The following INTU variants were observed in gnomAD, a reference collection of about 807,000 sequenced individuals.
INTU encodes inturned planar cell polarity protein, also known as protein inturned.
INTU carries 68 observed loss-of-function variants against 100.5 expected under a neutral mutation model. That is an observed-to-expected ratio of 0.68 (90% CI 0.56 to 0.83). The LOEUF is 0.83. Ranked by LOEUF, INTU falls within the 40% of genes least tolerant of loss-of-function variation. INTU has a pLI of 0.00. For missense variants in INTU, 1,071 were observed against 1,114.7 expected, an observed-to-expected ratio of 0.96 and a Z score of 0.56; for synonymous variants, 357 against 395.7, an observed-to-expected ratio of 0.90 and a Z score of 1.16.
intron 6 of INTU, among the ~76,000 whole-genome samples, chr4:127,683,154 G>T (rs1273526978): frequency 6.6e-6 from 1 of 152,152 alleles, no homozygotes; most frequent in East Asian, 1.9e-4. Flanking sequence ...TTATTAAACA[G>T]GGTGGGGGAA....
At chr4:127,646,529 A>G (rs1727596774) in intron 2 of INTU, among the ~76,000 whole-genome samples, 1 of 152,156 alleles carries the variant, frequency 6.6e-6, no homozygotes, top group Admixed American at 6.5e-5. Flanking sequence ...CATTGCCTAA[A>G]TCCATTAATT....
chr4:127,656,165 G>T (rs1192311904), intron 2 of INTU, among the ~76,000 whole-genome samples: 1 of 152,186 alleles, frequency 6.6e-6, no homozygotes, highest in Non-Finnish European at 1.5e-5. Context: ...AGATGGAAAT[G>T]CAGAAATCAC....
In INTU at chr4:127,724,295, C is replaced by T. The variant is rs1336087071; in HGVS notation, c.*7859C>T. 2 of 151,982 alleles carry T rather than the reference C, an allele frequency of 1.3e-5. No individual in the cohort carries two copies. Among genetic ancestry groups the T allele is most frequent in the African/African-American group, 4.8e-5 (2 of 41,310 alleles). The allele number at this position is 151,982 out of a possible 1,614,324, so 9.4% of individuals were successfully genotyped here. ...ATTAGCTGGGCGTGGTGGTGTGCAC[C>T]TGTAATCCTAGCTACCTAGGAGGCT... On this transcript the variant is annotated 3_prime_UTR_variant, in exon 16 of 16. Coordinates refer to ENST00000335251, the MANE Select transcript of INTU (RefSeq NM_015693.4).
intron 6 of INTU, among the ~76,000 whole-genome samples, chr4:127,680,893 C>T (rs1425525589): frequency 6.6e-6 from 1 of 152,106 alleles, no homozygotes; most frequent in Non-Finnish European, 1.5e-5. Context: ...TGATAAGCAA[C>T]TTCAGCAAAG....
intron 8 of INTU, among the ~76,000 whole-genome samples, chr4:127,695,761 C>G (rs900551064): frequency 2.6e-5 from 4 of 152,112 alleles, no homozygotes; most frequent in Admixed American, 6.6e-5. Flanking sequence ...TAGGGGACAT[C>G]CTTGCCCCTT....
Position 127,691,962 on chromosome 4 carries a change from G to GTGTATATATATATATATA in INTU, c.1449+4096_1449+4097insGTATATATATATATATAT. ...GGCGGAGTATAGTGTTCCATGGTAT[G>GTGTATATATATATATATA]TATATATATATATATATATGTCACA... On this transcript the variant is annotated intron_variant, in intron 8 of 15. Transcript: ENST00000335251. 4.0e-3 allele frequency among the ~76,000 whole-genome samples: 389 copies of GTGTATATATATATATATA among 98,200 alleles called. 42 individuals carry two copies. Among genetic ancestry groups the GTGTATATATATATATATA allele is most frequent in the South Asian group, 0.017 (41 of 2,480 alleles). 64.4% of individuals were successfully genotyped at this position (98,200 alleles called of 152,430 possible).
intron 15 of INTU, among the ~76,000 whole-genome samples, chr4:127,714,515 C>T (rs1731199226): frequency 6.6e-6 from 1 of 152,106 alleles, no homozygotes; most frequent in African/African-American, 2.4e-5. Context: ...ATCCACTGTG[C>T]ACCAGCTGCA....
At chr4:127,671,979 T>C (rs886358914) in intron 5 of INTU, among the ~76,000 whole-genome samples, 1 of 151,864 alleles carries the variant, frequency 6.6e-6, no homozygotes, top group African/African-American at 2.4e-5. Context: ...GAGTGTAAAA[T>C]AACAGACATT....
intron 5 of INTU, among the ~76,000 whole-genome samples, chr4:127,669,492 A>G (rs1728829895): frequency 1.3e-5 from 2 of 151,784 alleles, no homozygotes; most frequent in Non-Finnish European, 3.0e-5. Context: ...ATGAAGATGT[A>G]TCTTTTAAGC....
intron 4 of INTU, among the ~76,000 whole-genome samples, chr4:127,666,374 T>C (rs927646139): frequency 1.3e-5 from 2 of 152,168 alleles, no homozygotes; most frequent in African/African-American, 4.8e-5. Context: ...CTTGATGTTA[T>C]CTTTGGGAGT....
intron 8 of INTU, among the ~76,000 whole-genome samples, chr4:127,699,761 G>C (rs4259075): frequency 1 from 152,026 of 152,342 alleles, 75,855 homozygotes; most frequent in East Asian, 1. Flanking sequence ...TTGAAATATG[G>C]TATGTTAAAT....
At position 127,720,540 on chromosome 4, in the gene INTU, A is replaced by G. The variant is rs1731331738; in HGVS notation, c.*4104A>G. On this transcript the variant is annotated 3_prime_UTR_variant, in exon 16 of 16. Coordinates refer to ENST00000335251, the MANE Select transcript of INTU (RefSeq NM_015693.4). ...AGGTCAAGTCCTGAATAACTTTGTT[A>G]ATTTTCTGTCTCGATGATCTAATAT... 1 of 152,120 alleles carries G rather than the reference A, an allele frequency of 6.6e-6. No individual in the cohort carries two copies. The highest frequency in any genetic ancestry group is 1.5e-5 in the Non-Finnish European group (1 of 68,008). The allele number at this position is 152,120 out of a possible 1,614,324, so 9.4% of individuals were successfully genotyped here.
intron 14 of INTU, 41 bp from the exon 15 acceptor site, chr4:127,713,895 G>C: frequency 7.1e-7 from 1 of 1,402,278 alleles, no homozygotes; most frequent in South Asian, 1.3e-5. Context: ...AAGTAACACT[G>C]GTAATACCAG....
rs1486938654 is a variant in INTU at position 127,719,860 on chromosome 4, GTTC to G, written c.*3429_*3431del. On this transcript the variant is annotated 3_prime_UTR_variant, in exon 16 of 16. Coordinates refer to ENST00000335251, the MANE Select transcript of INTU (RefSeq NM_015693.4). ...TATCATTTTTTATTGTGTCTATTTGGTTCTTCTCTCTTTTCTTCTTTATTAGTC... is the reference window on the plus strand; with the variant it reads ...TATCATTTTTTATTGTGTCTATTTGGTTCTCTCTTTTCTTCTTTATTAGTC... The G allele has an allele frequency of 6.6e-6, 1 of 151,528 alleles. No individual in the cohort carries two copies. Among genetic ancestry groups the G allele is most frequent in the African/African-American group, 2.4e-5 (1 of 41,254 alleles). The allele number at this position is 151,528 out of a possible 1,614,324, so 9.4% of individuals were successfully genotyped here.
At chr4:127,681,489 A>G (rs908300271) in intron 6 of INTU, among the ~76,000 whole-genome samples, 2 of 152,204 alleles carry the variant, frequency 1.3e-5, no homozygotes, top group Non-Finnish European at 2.9e-5. Context: ...CCTGAGAAAA[A>G]CAAGCAGTGG....
intron 8 of INTU, among the ~76,000 whole-genome samples, chr4:127,697,009 C>T (rs534136940): frequency 6.6e-6 from 1 of 152,108 alleles, no homozygotes; most frequent in Non-Finnish European, 1.5e-5. Flanking sequence ...CCAATTACTT[C>T]GTTTAAGGCA....
Position 127,725,112 on chromosome 4 carries a change from C to T in INTU, c.*8676C>T, listed in dbSNP as rs1309874673. The stretch of plus-strand genomic sequence containing the variant: ...ACCAGGCTGGTCAACATGGTGAAAC[C>T]CTGTCTCTACTAAAAATACTAAAAA... On this transcript the variant is annotated 3_prime_UTR_variant, in exon 16 of 16. Coordinates refer to ENST00000335251, the MANE Select transcript of INTU (RefSeq NM_015693.4). 6.7e-6 allele frequency: 1 copy of T among 149,070 alleles called. No homozygotes were observed. The highest frequency in any genetic ancestry group is 1.5e-5 in the Non-Finnish European group (1 of 67,802). 9.2% of individuals were successfully genotyped at this position (149,070 alleles called of 1,614,324 possible).
At chr4:127,637,767 T>C (rs1046991354) in intron 1 of INTU, among the ~76,000 whole-genome samples, 3 of 152,214 alleles carry the variant, frequency 2.0e-5, no homozygotes, top group African/African-American at 7.2e-5. Context: ...CAGGGTTAGA[T>C]TGTATCACTA....
intron 4 of INTU, among the ~76,000 whole-genome samples, chr4:127,665,585 C>G (rs1328275459): frequency 6.6e-6 from 1 of 152,098 alleles, no homozygotes; most frequent in African/African-American, 2.4e-5. Flanking sequence ...ATCCTAATGT[C>G]TCAGTGGCTT....
Sources: allele counts gnomAD v4.1 joint callset (sites outside exome capture counted in the v4.1 genomes callset), GRCh38; gene constraint gnomAD v4.1.1; transcripts MANE v1.5; gene names NCBI Gene and HGNC (gene_info 2026-07-23, HGNC 2026-07-21).